Variants in TXNRD2 observed in about 807,000 individuals in gnomAD.
TXNRD2 encodes the protein thioredoxin reductase 2, also known as thioredoxin reductase 2, mitochondrial.
In TXNRD2, 67 loss-of-function variants were observed where a neutral mutation model predicts 70.8. That is an observed-to-expected ratio of 0.95 (90% CI 0.78 to 1.16). The LOEUF (loss-of-function observed/expected upper bound fraction) is 1.16. Ranked by LOEUF, TXNRD2 falls within the 50% of genes most tolerant of loss-of-function variation. The pLI is 0.00. For synonymous variants in TXNRD2, 301 were observed against 295.8 expected (o/e 1.02, Z -0.18); for missense variants, 644 against 719.9 (o/e 0.89, Z 1.21).
intron 1 of TXNRD2, chr22:19,932,285 C>G: frequency 6.2e-7 from 1 of 1,611,344 alleles, no homozygotes; most frequent in African/African-American, 1.3e-5. Context: ...CCACCCTGGG[C>G]ACAGGGAGAG....
At chr22:19,902,059 T>C (rs937215139) in intron 8 of TXNRD2, among the ~76,000 whole-genome samples, 8 of 152,124 alleles carry the variant, frequency 5.3e-5, no homozygotes, top group Non-Finnish European at 1.0e-4. Flanking sequence ...TACTGGGGCA[T>C]GGTGGTATGC....
chr22:19,932,420 G>T, intron 1 of TXNRD2: 1 of 1,612,568 alleles, frequency 6.2e-7, no homozygotes, highest in Non-Finnish European at 8.5e-7. Context: ...CCTGCAAAAG[G>T]TGTCATCGTG....
chr22:19,901,788 A>C (rs1569086047), intron 8 of TXNRD2, among the ~76,000 whole-genome samples: 1 of 152,188 alleles, frequency 6.6e-6, no homozygotes, highest in Non-Finnish European at 1.5e-5. Flanking sequence ...TGGTGCAGCA[A>C]CCAACTCAAG....
chr22:19,933,465 C>T (rs1004369003), intron 1 of TXNRD2: 2 of 1,289,640 alleles, frequency 1.6e-6, no homozygotes, highest in Non-Finnish European at 1.0e-6. Context: ...CTTCTTGTTG[C>T]CATAGCAGGG....
chr22:19,876,968 A>T, intron 17 of TXNRD2, 72 bp downstream of exon 17: 1 of 1,114,650 alleles, frequency 9.0e-7, no homozygotes, highest in Non-Finnish European at 1.2e-6. Flanking sequence ...ACCTGGAGGG[A>T]GCCCATGGCC....
chr22:19,885,089 G>C (rs543250244), intron 11 of TXNRD2, among the ~76,000 whole-genome samples: 1 of 152,158 alleles, frequency 6.6e-6, no homozygotes, highest in Non-Finnish European at 1.5e-5. Flanking sequence ...CCTGGGGCCC[G>C]GAGAGAGGGC....
intron 7 of TXNRD2, 63 bp from the exon 8 acceptor site, chr22:19,911,510 A>G (rs1940410971): frequency 2.4e-6 from 3 of 1,276,396 alleles, no homozygotes; most frequent in Non-Finnish European, 3.4e-6. Context: ...GGGCTTCCTT[A>G]AAGAGGATGC....
At chr22:19,923,239 A>AT (rs147306338) in intron 2 of TXNRD2, among the ~76,000 whole-genome samples, 2,071 of 152,052 alleles carry the variant, frequency 0.014, 51 homozygotes, top group African/African-American at 0.048. Context: ...ATTTAAAACT[A>AT]TTTTTTTCCT....
chr22:19,898,915 TC>T, intron 9 of TXNRD2, 133 bp downstream of exon 9: 1 of 1,128,692 alleles, frequency 8.9e-7, no homozygotes, highest in South Asian at 1.3e-5. Context: ...CAGTAGATCC[TC>T]CACGCCGAGA....
At chr22:19,930,674 C>T (rs1001043434) in intron 2 of TXNRD2, among the ~76,000 whole-genome samples, 2 of 152,096 alleles carry the variant, frequency 1.3e-5, no homozygotes, top group Non-Finnish European at 2.9e-5. Context: ...GTGACAGCCA[C>T]AGTAAGGTGA....
intron 3 of TXNRD2, 52 bp downstream of exon 3, chr22:19,919,491 C>A: frequency 6.5e-7 from 1 of 1,526,852 alleles, no homozygotes; most frequent in Non-Finnish European, 8.9e-7. Context: ...GAACTGGGCC[C>A]ACCTCCCACC....
intron 11 of TXNRD2, among the ~76,000 whole-genome samples, chr22:19,893,478 C>T (rs1040326662): frequency 3.3e-5 from 5 of 152,222 alleles, no homozygotes; most frequent in East Asian, 3.9e-4. Context: ...GCCCTCCTTG[C>T]GGCGGCCCAT....
chr22:19,899,019 G>A, intron 9 of TXNRD2, 30 bp downstream of exon 9: 1 of 1,604,790 alleles, frequency 6.2e-7, no homozygotes, highest in South Asian at 1.1e-5. Flanking sequence ...CAGTTCCCAG[G>A]ACGGCCACCT....
chr22:19,875,837 C>CA (rs1262623551), intron 17 of TXNRD2, 30 bp from the exon 18 acceptor site: 2 of 152,272 alleles, frequency 1.3e-5, no homozygotes, highest in Non-Finnish European at 2.9e-5. Context: ...CAGCACAGGT[C>CA]AGCCACCCAC....
chr22:19,902,158 G>A (rs770204869), intron 8 of TXNRD2, among the ~76,000 whole-genome samples: 12 of 152,276 alleles, frequency 7.9e-5, no homozygotes, highest in Non-Finnish European at 7.4e-5. Context: ...ACTCCAGCCC[G>A]GGAAACAGAG....
At chr22:19,915,565 T>C (rs1266612462) in intron 6 of TXNRD2, among the ~76,000 whole-genome samples, 200 bp downstream of exon 6, 3 of 152,216 alleles carry the variant, frequency 2.0e-5, no homozygotes, top group Non-Finnish European at 4.4e-5. Context: ...CCAACCCTGT[T>C]GCCATGCCAC....
chr22:19,912,475 G>C (rs1019803720), intron 7 of TXNRD2, among the ~76,000 whole-genome samples: 10 of 152,204 alleles, frequency 6.6e-5, no homozygotes, highest in Non-Finnish European at 1.2e-4. Context: ...GCAGAGCAGG[G>C]CCGGGCCAGG....
intron 1 of TXNRD2, among the ~76,000 whole-genome samples, chr22:19,938,535 G>C (rs1239877068): frequency 6.6e-6 from 1 of 152,070 alleles, no homozygotes; most frequent in Non-Finnish European, 1.5e-5. Context: ...CCTTCCTCCT[G>C]GCTTAAACAT....
At chr22:19,887,321 C>T (rs1288364093) in intron 11 of TXNRD2, 1 of 152,422 alleles carries the variant, frequency 6.6e-6, no homozygotes, top group East Asian at 1.9e-4. Context: ...AGAGGAAGGG[C>T]ACCAGCTCTG....
Sources: allele counts gnomAD v4.1 joint callset (sites outside exome capture counted in the v4.1 genomes callset), GRCh38; gene constraint gnomAD v4.1.1; transcripts MANE v1.5; gene names NCBI Gene and HGNC (gene_info 2026-07-23, HGNC 2026-07-21).